CCDC92: variants seen among roughly 807,000 people sequenced by gnomAD.
The protein encoded by CCDC92 is coiled-coil domain-containing protein 92.
A neutral mutation model predicts 24.9 loss-of-function variants in CCDC92; 12 were observed. The ratio of observed to expected loss-of-function variants is 0.48; its 90% CI spans 0.31 to 0.78. The LOEUF is 0.78. Among genes scored for constraint, CCDC92 ranks in the 30% least tolerant of loss-of-function variants. The probability of loss-of-function intolerance (pLI) is 0.05; values close to 1 mark genes in which losing one functional copy is unlikely to be tolerated. For synonymous variants in CCDC92, 193 were observed against 196.3 expected (o/e 0.98, Z 0.14); for missense variants, 399 against 439.4 (o/e 0.91, Z 0.82).
chr12:123,956,350 T>C (rs976504042), intron 1 of CCDC92: 3 of 152,228 alleles, frequency 2.0e-5, no homozygotes, highest in Non-Finnish European at 2.9e-5. Context: ...AGCACGTCCA[T>C]GTAAGGGTGT....
At chr12:123,938,995 C>G (rs1402283548) in intron 4 of CCDC92, among the ~76,000 whole-genome samples, 1 of 152,208 alleles carries the variant, frequency 6.6e-6, no homozygotes, top group Non-Finnish European at 1.5e-5. Flanking sequence ...TATTCTTGTC[C>G]TCTGTTCAAA....
chr12:123,937,667 C>G lies in CCDC92; in HGVS notation c.387G>C (p.Lys129Asn). 6.2e-7 allele frequency: 1 copy of G among 1,614,096 alleles called. No homozygotes were observed. The highest frequency in any genetic ancestry group is 1.1e-5 in the South Asian group (1 of 91,072). Residue 129 changes from lysine to asparagine, a missense_variant, in exon 5 of 5, where the codon AAG (lysine) becomes AAC (asparagine). Physicochemically the swap from Lys to Asn is moderately conservative, Grantham distance 94 (BLOSUM62 0). Coordinates refer to ENST00000238156, the MANE Select transcript of CCDC92 (RefSeq NM_025140.3). This position sits in a 1 kb window ranked among gnomAD's most constrained non-coding sequence, Gnocchi z 8.4. ...TCTTGGCCTTCAGCTCCTCCAGGTA[C>G]TTCTTCTCTCGCTCCTTGATGGTGT... ...LENTIKEREK[K>N]YLEELKAKSH...
At chr12:123,972,308 C>G (rs1375054032) in intron 1 of CCDC92, among the ~76,000 whole-genome samples, 1 of 152,070 alleles carries the variant, frequency 6.6e-6, no homozygotes, top group East Asian at 1.9e-4. Flanking sequence ...TGCCTTCGCC[C>G]GGGGCCACCC....
chr12:123,953,545 A>G (rs1282177738), intron 1 of CCDC92, among the ~76,000 whole-genome samples: 1 of 152,102 alleles, frequency 6.6e-6, no homozygotes, highest in Non-Finnish European at 1.5e-5. Flanking sequence ...TTGGGAGGCC[A>G]AGGCTGGTAG....
At chr12:123,965,783 GA>G (rs771565910) in intron 1 of CCDC92, among the ~76,000 whole-genome samples, 120 of 152,254 alleles carry the variant, frequency 7.9e-4, no homozygotes, top group Non-Finnish European at 1.5e-3. Flanking sequence ...ACACCAACAA[GA>G]AGGGATGCCA....
intron 1 of CCDC92, among the ~76,000 whole-genome samples, chr12:123,963,177 CAA>C (rs755188672): frequency 6.6e-6 from 1 of 152,218 alleles, no homozygotes; most frequent in Non-Finnish European, 1.5e-5. Context: ...CCCCAAAGGT[CAA>C]GAGAGTTTTG....
chr12:123,940,577 C>A (rs751621352), intron 4 of CCDC92, among the ~76,000 whole-genome samples: 1 of 152,196 alleles, frequency 6.6e-6, no homozygotes, highest in African/African-American at 2.4e-5. Flanking sequence ...TTGCCAATTT[C>A]TTGCTCTTTA....
At chr12:123,938,816 G>T (rs1246838325) in intron 4 of CCDC92, among the ~76,000 whole-genome samples, 1 of 152,102 alleles carries the variant, frequency 6.6e-6, no homozygotes, top group Admixed American at 6.5e-5. Context: ...GACTCTCCCA[G>T]GGAAACTGGA....
At chr12:123,969,515 C>G (rs2138234024) in intron 1 of CCDC92, among the ~76,000 whole-genome samples, 1 of 125,014 alleles carries the variant, frequency 8.0e-6, no homozygotes, top group South Asian at 2.6e-4. Context: ...TGTTGCCAGG[C>G]TGGAGTGCAG....
At chr12:123,958,402 T>C (rs1956199443) in intron 1 of CCDC92, among the ~76,000 whole-genome samples, 1 of 152,220 alleles carries the variant, frequency 6.6e-6, no homozygotes, top group South Asian at 2.1e-4. Flanking sequence ...TGAAGACACT[T>C]AACTAAACTT....
At chr12:123,941,366 A>G (rs946623325) in intron 4 of CCDC92, among the ~76,000 whole-genome samples, 4 of 152,074 alleles carry the variant, frequency 2.6e-5, no homozygotes, top group Non-Finnish European at 5.9e-5. Context: ...CGCCTTCCCT[A>G]CCACACGCAG....
chr12:123,944,306 G>A lies in CCDC92; in HGVS notation c.-1C>T. The A allele has an allele frequency of 6.3e-7, 1 of 1,581,308 alleles. No individual in the cohort carries two copies. Among genetic ancestry groups the A allele is most frequent in the East Asian group, 2.3e-5 (1 of 42,980 alleles). On this transcript the variant is annotated 5_prime_UTR_variant, in exon 2 of 5. Transcript: ENST00000238156. ...AACTCGAGAAATGTGGTGAAGTCAT[G>A]GGTCTTTCTGGAAAAGCTACCAGAG...
At chr12:123,962,640 G>C (rs926182547) in intron 1 of CCDC92, 2 of 154,042 alleles carry the variant, frequency 1.3e-5, no homozygotes, top group South Asian at 2.1e-4. Context: ...AGGCGGAACA[G>C]GATGGGGAGT....
Position 123,937,427 on chromosome 12 carries a change from GCT to G in CCDC92, c.625_626del (p.Ser209ProfsTer10), listed in dbSNP as rs1391326707. 2 of 1,613,756 alleles carry G rather than the reference GCT, an allele frequency of 1.2e-6. No homozygotes were observed. The highest frequency in any genetic ancestry group is 2.2e-5 in the East Asian group (1 of 44,866). On this transcript the variant is annotated frameshift_variant, in exon 5 of 5. Transcript: ENST00000238156. LOFTEE classifies it high-confidence loss of function. The surrounding 1 kb of genome is among the most constrained non-coding windows in gnomAD (Gnocchi z 8.4). ...PETPRRRMKK[S>X]LSAPLHPEFE... ...ATTCCGGGTGCAAGGGGGCTGAGAG[GCT>G]CTTTTTCATGCGGCGGCGAGGCGTT...
At chr12:123,941,897 A>G (rs1310116313) in intron 4 of CCDC92, among the ~76,000 whole-genome samples, 1 of 152,228 alleles carries the variant, frequency 6.6e-6, no homozygotes, top group East Asian at 1.9e-4. Context: ...GGGCAATTGC[A>G]TCAGGTTATG....
intron 1 of CCDC92, among the ~76,000 whole-genome samples, chr12:123,957,428 T>C (rs979944719): frequency 1.3e-5 from 2 of 152,194 alleles, no homozygotes; most frequent in African/African-American, 2.4e-5. Context: ...GCAGCTGCTA[T>C]GTGCACGCCC....
intron 4 of CCDC92, among the ~76,000 whole-genome samples, chr12:123,941,303 CAG>C (rs1955676592): frequency 6.6e-6 from 1 of 152,202 alleles, no homozygotes; most frequent in South Asian, 2.1e-4. Context: ...TATCCCTCCA[CAG>C]GGAGACTTCT....
Position 123,943,328 on chromosome 12 carries a change from G to A in CCDC92, c.181+19C>T, listed in dbSNP as rs750687689. ...CCCATAGCCGCCCCCCGCCTGCCCG[G>A]GCCTGCTCCCCGATGTACCTGTGCA... On this transcript the variant is annotated intron_variant, in intron 3 of 4. Transcript: ENST00000238156. 4.4e-6 allele frequency: 7 copies of A among 1,608,948 alleles called. No homozygotes were observed. Among genetic ancestry groups the A allele is most frequent in the Non-Finnish European group, 5.1e-6 (6 of 1,179,074 alleles).
At chr12:123,954,138 A>ATATGTTT (rs1279401070) in intron 1 of CCDC92, among the ~76,000 whole-genome samples, 1 of 152,160 alleles carries the variant, frequency 6.6e-6, no homozygotes, top group African/African-American at 2.4e-5. Context: ...ACAAAGTAGT[A>ATATGTTT]TCATATGTTT....
Sources: gnomAD v4.1 joint callset for allele counts (sites outside exome capture counted in the v4.1 genomes callset) on GRCh38, gnomAD v4.1.1 for gene constraint, Gnocchi (gnomAD v3.1) non-coding constraint, MANE v1.5 for transcripts, NCBI Gene and HGNC (gene_info 2026-07-23, HGNC 2026-07-21) for gene names.